Variants in CALM2 observed in about 807,000 individuals in gnomAD.
CALM2 encodes the protein calmodulin 2, also known as calmodulin-2.
Under a neutral mutation model 19.8 loss-of-function variants are expected in CALM2, and 2 were observed. The observed-to-expected ratio is 0.10, with a 90% confidence interval of 0.04 to 0.32. The LOEUF (loss-of-function observed/expected upper bound fraction) is 0.32, where lower values mean the gene tolerates loss of function less well. CALM2 is among the 10% of genes least tolerant of loss of function. The pLI, the probability that CALM2 is intolerant of heterozygous loss-of-function variation, is 1.00. For missense variants in CALM2, 38 were observed against 178.7 expected, an observed-to-expected ratio of 0.21 and a Z score of 4.49; for synonymous variants, 51 against 52.1, an observed-to-expected ratio of 0.98 and a Z score of 0.09.
intron 1 of CALM2, chr2:47,172,531 A>G (rs1422405802): frequency 9.4e-6 from 11 of 1,167,718 alleles, no homozygotes; most frequent in Non-Finnish European, 1.2e-5. Context: ...TATCAACCTG[A>G]CTAGCTCAAT....
intron 2 of CALM2, among the ~76,000 whole-genome samples, chr2:47,168,602 G>A (rs1666565021): frequency 6.6e-6 from 1 of 152,038 alleles, no homozygotes; most frequent in Non-Finnish European, 1.5e-5. Flanking sequence ...GCCAGGTGGT[G>A]CATGCCTCTA....
chr2:47,176,301 C>G, intron 1 of CALM2, 140 bp downstream of exon 1: 4 of 1,023,168 alleles, frequency 3.9e-6, no homozygotes, highest in Non-Finnish European at 5.7e-6. Context: ...TCGCCGGCAT[C>G]CCTGGCCTCT....
At chr2:47,163,311 T>C (rs1045495153) in intron 2 of CALM2, 1 of 152,242 alleles carries the variant, frequency 6.6e-6, no homozygotes, top group African/African-American at 2.4e-5. Context: ...CAGTTTTAGC[T>C]AAATGCATGT....
At chr2:47,174,540 A>AT (rs938022731) in intron 1 of CALM2, among the ~76,000 whole-genome samples, 40 of 150,344 alleles carry the variant, frequency 2.7e-4, no homozygotes, top group Middle Eastern at 6.9e-3. Flanking sequence ...TTTTATTAAG[A>AT]TTTTTTTTTT....
chr2:47,176,513 A>C, upstream of CALM2: 1 of 1,603,560 alleles, frequency 6.2e-7, no homozygotes, highest in Non-Finnish European at 8.5e-7. Context: ...ACTCGGACTA[A>C]TTCGCCTCCT....
chr2:47,168,919 A>G (rs2103840845), intron 2 of CALM2, among the ~76,000 whole-genome samples: 1 of 152,202 alleles, frequency 6.6e-6, no homozygotes, highest in African/African-American at 2.4e-5. Context: ...CTGGGATTAC[A>G]GGTGCACGCC....
intron 1 of CALM2, chr2:47,172,398 G>C (rs751299391): frequency 1.3e-5 from 8 of 623,928 alleles, no homozygotes; most frequent in South Asian, 1.2e-4. Context: ...TGTAGCACAA[G>C]AATAACAATA....
At position 47,170,813 on chromosome 2, in the gene CALM2, T is replaced by G. The variant is rs754227888; in HGVS notation, c.4-49A>C. 5 of 1,499,912 alleles carry G rather than the reference T, an allele frequency of 3.3e-6. No homozygotes were observed. In the South Asian group the frequency reaches 5.6e-5, roughly 17 times the overall value. The allele number at this position is 1,499,912 out of a possible 1,614,324, so 92.9% of individuals were successfully genotyped here. A position where few individuals can be genotyped will look rare whatever the true frequency, so the allele number is the denominator to read the frequency against. ...GTTAGTGACTTGAGAGTATGTAGAT[T>G]AGCAGTTACAGAAACAAGTTTAAAA... On this transcript the variant is annotated intron_variant, in intron 1 of 5. Transcript: ENST00000272298.
At chr2:47,175,819 G>A (rs1666842876) in intron 1 of CALM2, among the ~76,000 whole-genome samples, 1 of 147,974 alleles carries the variant, frequency 6.8e-6, no homozygotes, top group Non-Finnish European at 1.5e-5. Context: ...GCGCTCGCCC[G>A]CCCCGCCCCC....
upstream of CALM2, chr2:47,176,882 C>G (rs1488554736): frequency 3.0e-6 from 3 of 985,232 alleles, no homozygotes; most frequent in Non-Finnish European, 2.4e-6. Context: ...CAGCCGCCGC[C>G]GGGACGCGGT....
chr2:47,176,022 C>T (rs1465839110), intron 1 of CALM2, among the ~76,000 whole-genome samples: 2 of 152,176 alleles, frequency 1.3e-5, no homozygotes, highest in Non-Finnish European at 2.9e-5. Context: ...TTCCTGGCGC[C>T]CGCACTAACC....
At chr2:47,170,643 C>G in intron 2 of CALM2, 91 bp downstream of exon 2, 2 of 1,002,940 alleles carry the variant, frequency 2.0e-6, no homozygotes, top group Admixed American at 3.4e-5. Context: ...ATACCAAAGT[C>G]AATTATTTCA....
intron 2 of CALM2, among the ~76,000 whole-genome samples, chr2:47,165,633 C>T (rs1573220137): frequency 6.6e-6 from 1 of 152,272 alleles, no homozygotes; most frequent in South Asian, 2.1e-4. Flanking sequence ...CTAGATGTGA[C>T]CAATTTTATC....
intron 4 of CALM2, 85 bp downstream of exon 4, chr2:47,162,185 AAAAAAAAAAAAAAAAC>A: frequency 4.6e-6 from 2 of 437,934 alleles, no homozygotes; most frequent in Non-Finnish European, 7.9e-6. Flanking sequence ...AAAAAAAAAA[AAAAAAAAAAAAAAAAC>A]AACCAAAAAA....
At chr2:47,176,171 T>C (rs1042392025) in intron 1 of CALM2, 160 of 503,848 alleles carry the variant, frequency 3.2e-4, no homozygotes, top group Non-Finnish European at 5.3e-4. Context: ...GGACCCATCC[T>C]CCTCCAGCCA....
intron 2 of CALM2, among the ~76,000 whole-genome samples, chr2:47,165,865 G>T (rs902291192): frequency 6.6e-6 from 1 of 152,190 alleles, no homozygotes; most frequent in Non-Finnish European, 1.5e-5. Flanking sequence ...CTTTCAGTCT[G>T]AAATCTGTCA....
At position 47,176,457 on chromosome 2, in the gene CALM2, C is replaced by T; in HGVS notation, c.-14G>A. The T allele has an allele frequency of 6.2e-7, 1 of 1,613,848 alleles. No homozygotes were observed. ...TGCACTCACCATGCTGCAAGCGCTACCGGTTTCCGAGACGCGACCACACAA... is the reference window on the plus strand; with the variant it reads ...TGCACTCACCATGCTGCAAGCGCTATCGGTTTCCGAGACGCGACCACACAA... On this transcript the variant is annotated 5_prime_UTR_variant, in exon 1 of 6. Transcript: ENST00000272298.
At chr2:47,164,779 T>G (rs1329657494) in intron 2 of CALM2, among the ~76,000 whole-genome samples, 2 of 152,168 alleles carry the variant, frequency 1.3e-5, no homozygotes, top group Non-Finnish European at 2.9e-5. Context: ...TTTCCCAACA[T>G]AGCCATACAT....
intron 1 of CALM2, among the ~76,000 whole-genome samples, chr2:47,175,431 G>A (rs1208368873): frequency 6.6e-6 from 1 of 152,198 alleles, no homozygotes; most frequent in African/African-American, 2.4e-5. Flanking sequence ...TCCGGAGCCT[G>A]CTTCCCTCCG....
Sources: gnomAD v4.1 joint callset for allele counts (sites outside exome capture counted in the v4.1 genomes callset) on GRCh38, gnomAD v4.1.1 for gene constraint, MANE v1.5 for transcripts, NCBI Gene and HGNC (gene_info 2026-07-23, HGNC 2026-07-21) for gene names.